The following NRXN3 variants were observed in gnomAD, a reference collection of about 807,000 sequenced individuals.
NRXN3 encodes neurexin III.
Under a neutral mutation model 137.6 loss-of-function variants are expected in NRXN3, and 32 were observed. That is an observed-to-expected ratio of 0.23 (90% CI 0.18 to 0.31). NRXN3 has a LOEUF of 0.31. Ranked by LOEUF, NRXN3 falls within the 10% of genes least tolerant of loss-of-function variation. The pLI, the probability that NRXN3 is intolerant of heterozygous loss-of-function variation, is 1.00. For missense variants in NRXN3, 1,574 were observed against 2,062.5 expected, an observed-to-expected ratio of 0.76 and a Z score of 4.59; for synonymous variants, 798 against 784.5, an observed-to-expected ratio of 1.02 and a Z score of -0.29.
chr14:79,290,531 C>T (rs540161396), intron 15 of NRXN3, among the ~76,000 whole-genome samples: 2 of 152,186 alleles, frequency 1.3e-5, no homozygotes, highest in South Asian at 4.2e-4. Flanking sequence ...GAGGTTGCAG[C>T]ACAGTCAACT....
intron 4 of NRXN3, among the ~76,000 whole-genome samples, chr14:78,583,498 A>G (rs1413159280): frequency 6.6e-6 from 1 of 152,076 alleles, no homozygotes; most frequent in African/African-American, 2.4e-5. Flanking sequence ...TCAACTTATT[A>G]AATGTACTAA....
chr14:79,046,539 C>A (rs918188732), intron 15 of NRXN3, among the ~76,000 whole-genome samples: 6 of 152,290 alleles, frequency 3.9e-5, no homozygotes, highest in Admixed American at 1.3e-4. Context: ...TGTCAAATCC[C>A]TCCCTGTATG....
chr14:79,273,205 TG>T (rs1390373424), intron 15 of NRXN3, among the ~76,000 whole-genome samples: 1 of 53,300 alleles, frequency 1.9e-5, no homozygotes, highest in Non-Finnish European at 3.7e-5. Context: ...AAAAAATGGG[TG>T]GGAGGGAGGG....
intron 4 of NRXN3, among the ~76,000 whole-genome samples, chr14:78,303,060 G>A (rs2077029925): frequency 6.6e-6 from 1 of 152,108 alleles, no homozygotes; most frequent in South Asian, 2.1e-4. Flanking sequence ...ATATGGTCGT[G>A]TTTACCTTTA....
intron 4 of NRXN3, among the ~76,000 whole-genome samples, chr14:78,471,752 C>T (rs1020640201): frequency 6.6e-6 from 1 of 152,098 alleles, no homozygotes; most frequent in African/African-American, 2.4e-5. Flanking sequence ...TTCTGTAGAT[C>T]AGCTACCCCC....
intron 5 of NRXN3, among the ~76,000 whole-genome samples, chr14:78,649,455 T>TA (rs143658769): frequency 2.5e-4 from 37 of 146,276 alleles, no homozygotes; most frequent in South Asian, 1.1e-3. Flanking sequence ...TTCTTTTTCT[T>TA]AAAAAAAAAA....
intron 4 of NRXN3, among the ~76,000 whole-genome samples, chr14:78,526,403 A>T (rs2096380293): frequency 6.6e-6 from 1 of 152,228 alleles, no homozygotes; most frequent in South Asian, 2.1e-4. Context: ...TGTCAACATG[A>T]TGCAAACGTT....
chr14:79,085,439 T>A (rs1316377012), intron 15 of NRXN3, among the ~76,000 whole-genome samples: 2 of 152,168 alleles, frequency 1.3e-5, no homozygotes, highest in African/African-American at 4.8e-5. Flanking sequence ...AATAAAGAAG[T>A]TTTTGAACGT....
intron 15 of NRXN3, among the ~76,000 whole-genome samples, chr14:79,175,257 G>A (rs923169300): frequency 1.4e-4 from 21 of 152,104 alleles, no homozygotes; most frequent in African/African-American, 5.1e-4. Context: ...TGGGATTACA[G>A]GCATGAGCCA....
In NRXN3 at chr14:78,526,975, A is replaced by T. The variant is rs192097084; in HGVS notation, c.758-118145A>T. Reference sequence around the variant, plus strand: ...TGTACAGGGCTGTGTGGATTAAGGGAGTGAAGTGGCAATGAGAAACAGAAT... The same window carrying T: ...TGTACAGGGCTGTGTGGATTAAGGGTGTGAAGTGGCAATGAGAAACAGAAT... On this transcript the variant is annotated intron_variant, in intron 4 of 20. Transcript: ENST00000335750. Among the ~76,000 whole-genome samples the T allele has an allele frequency of 2.0e-5, 3 of 152,300 alleles. No homozygotes were observed. In the East Asian group the frequency reaches 5.8e-4, roughly 29 times the overall value.
intron 15 of NRXN3, among the ~76,000 whole-genome samples, chr14:79,070,682 C>G (rs1242595167): frequency 6.6e-6 from 1 of 152,120 alleles, no homozygotes; most frequent in African/African-American, 2.4e-5. Context: ...CCTCCCACTT[C>G]CATTTTTTTC....
At chr14:79,368,893 G>T (rs2153431014) in intron 15 of NRXN3, among the ~76,000 whole-genome samples, 1 of 152,254 alleles carries the variant, frequency 6.6e-6, no homozygotes. Flanking sequence ...TTCCAAGAAT[G>T]AAAGCAAAAT....
chr14:79,280,099 C>G (rs905581826), intron 15 of NRXN3: 49 of 1,301,578 alleles, frequency 3.8e-5, no homozygotes, highest in Non-Finnish European at 4.7e-5. Context: ...TGCCTTTTAT[C>G]TTTTTTTTTT....
At chr14:78,792,706 AC>A (rs1438408707) in intron 8 of NRXN3, among the ~76,000 whole-genome samples, 1 of 152,198 alleles carries the variant, frequency 6.6e-6, no homozygotes, top group Non-Finnish European at 1.5e-5. Flanking sequence ...AATTTACAGC[AC>A]TTATCACCTA....
chr14:79,192,765 A>ATTCTTTTT (rs1413090484), intron 15 of NRXN3, among the ~76,000 whole-genome samples: 2 of 115,300 alleles, frequency 1.7e-5, no homozygotes, highest in Non-Finnish European at 1.7e-5. Context: ...AATTCTCTTA[A>ATTCTTTTT]TTTTTTTTTT....
chr14:79,701,903 A>C (rs2098756091), intron 19 of NRXN3, among the ~76,000 whole-genome samples: 1 of 152,094 alleles, frequency 6.6e-6, no homozygotes, highest in Non-Finnish European at 1.5e-5. Flanking sequence ...GCTTAAAATA[A>C]GTGTACCATT....
At chr14:79,198,044 A>G (rs1195700237) in intron 15 of NRXN3, among the ~76,000 whole-genome samples, 4 of 152,144 alleles carry the variant, frequency 2.6e-5, no homozygotes, top group Admixed American at 6.5e-5. Flanking sequence ...AAGTTTTATT[A>G]TGAGATTGCA....
chr14:79,624,567 GATACA>G (rs1040595193), intron 16 of NRXN3, among the ~76,000 whole-genome samples: 1 of 151,962 alleles, frequency 6.6e-6, no homozygotes, highest in African/African-American at 2.4e-5. Context: ...AAATTTCCAT[GATACA>G]ATACAGTAGT....
chr14:78,690,581 T>C (rs545686826), intron 6 of NRXN3, among the ~76,000 whole-genome samples: 1 of 152,118 alleles, frequency 6.6e-6, no homozygotes, highest in Non-Finnish European at 1.5e-5. Context: ...AGTAAACAAA[T>C]AAAATATGGT....
Sources: allele counts gnomAD v4.1 joint callset (sites outside exome capture counted in the v4.1 genomes callset), GRCh38; gene constraint gnomAD v4.1.1; transcripts MANE v1.5; gene names NCBI Gene and HGNC (gene_info 2026-07-23, HGNC 2026-07-21).